BTBD8: variants seen among roughly 807,000 people sequenced by gnomAD.
BTBD8 encodes BTB domain containing 8.
A neutral mutation model predicts 162.9 loss-of-function variants in BTBD8; 110 were observed. The ratio of observed to expected loss-of-function variants is 0.68; its 90% CI spans 0.58 to 0.79. BTBD8 has a LOEUF of 0.79. BTBD8 is among the 30% of genes least tolerant of loss of function. The pLI is 0.00. For missense variants in BTBD8, 1,905 were observed against 2,085.4 expected, an observed-to-expected ratio of 0.91 and a Z score of 1.68; for synonymous variants, 667 against 716.1, an observed-to-expected ratio of 0.93 and a Z score of 1.10.
At chr1:92,081,912 AC>A (rs1274788437) in intron 1 of BTBD8, among the ~76,000 whole-genome samples, 1 of 152,106 alleles carries the variant, frequency 6.6e-6, no homozygotes, top group Non-Finnish European at 1.5e-5. Context: ...TCAAAAACTC[AC>A]CCATACTTAA....
chr1:92,143,949 A>G (rs1411096716), intron 7 of BTBD8, among the ~76,000 whole-genome samples: 2 of 148,226 alleles, frequency 1.3e-5, no homozygotes, highest in South Asian at 2.1e-4. Context: ...TTGAATATAT[A>G]TAATTTTGAA....
rs554463225 is a variant in BTBD8, at chr1:92,171,442, T to G, written c.1617T>G (p.Pro539=). The G allele has an allele frequency of 2.0e-6, 3 of 1,531,120 alleles. No individual in the cohort carries two copies. In the African/African-American group the frequency reaches 4.1e-5, roughly 21 times the overall value. The allele number at this position is 1,531,120 out of a possible 1,614,324, so 94.8% of individuals were successfully genotyped here. Residue 539 remains proline (P), a synonymous_variant, in exon 13 of 18, where the codon CCT becomes CCG. Coordinates refer to ENST00000636805, the MANE Select transcript of BTBD8 (RefSeq NM_001376131.1). ...ATGATCGAAGACTTGGCAAAAAGCCTATATTCAGTAGCTCGCAGGTAAACT... is the reference window on the plus strand; with the variant it reads ...ATGATCGAAGACTTGGCAAAAAGCCGATATTCAGTAGCTCGCAGGTAAACT... The part of the protein sequence containing the change: ...KGDDRRLGKK[P]IFSSSQQRKQ...
rs545083953 is a variant in BTBD8, at chr1:92,180,858, C to G, written c.3175C>G (p.His1059Asp). 4.5e-6 allele frequency: 7 copies of G among 1,551,446 alleles called. No individual in the cohort carries two copies. The highest frequency in any genetic ancestry group is 6.1e-6 in the Non-Finnish European group (7 of 1,146,932). ...TAAAAGTGAAACAAAATTTCCCAAT[C>G]ACAAAGAAACAGATGATTGCGATGC... ...LDKSETKFPN[H>D]KETDDCDAAN... Residue 1059 changes from histidine (H) to aspartate (D), a missense_variant, in exon 17 of 18, where the codon CAC (histidine) becomes GAC (aspartate). By Grantham distance (81) the His-to-Asp change is moderately conservative. Around this residue, in one of 3 missense-constraint regions of BTBD8, gnomAD observed 1,374 missense variants for 1,442.7 expected, o/e 0.95. Coordinates refer to ENST00000636805, the MANE Select transcript of BTBD8 (RefSeq NM_001376131.1).
At position 92,177,851 on chromosome 1, in the gene BTBD8, T is replaced by G. The variant is rs927609446; in HGVS notation, c.2394T>G (p.Thr798=). 6 of 1,544,498 alleles carry G rather than the reference T, an allele frequency of 3.9e-6. No homozygotes were observed. The Admixed American group carries it at 1.2e-4, about 30-fold the overall frequency. The part of the protein sequence containing the change: ...SRPVSRVTNG[T]SNKKSIHEQD... ...CTGTTTCAAGAGTTACCAATGGAAC[T>G]TCCAATAAAAAAAGTATTCATGAAC... The change falls in exon 15 of 18, where the codon ACT becomes ACG. Residue 798 remains threonine, a synonymous_variant. Transcript: ENST00000636805.
intron 4 of BTBD8, among the ~76,000 whole-genome samples, chr1:92,121,754 C>G (rs1649217320): frequency 6.6e-6 from 1 of 152,178 alleles, no homozygotes; most frequent in Admixed American, 6.5e-5. Flanking sequence ...CAGCCACAGG[C>G]AACAAATGAT....
chr1:92,132,207 C>G (rs1179269878), intron 5 of BTBD8, among the ~76,000 whole-genome samples: 1 of 152,046 alleles, frequency 6.6e-6, no homozygotes, highest in African/African-American at 2.4e-5. Context: ...GGATTGGGAT[C>G]TTAGGGGAAG....
rs1650731760 is a variant in BTBD8, at chr1:92,176,961, T to G, written c.1768T>G (p.Ser590Ala). Residue 590 changes from serine to alanine, a missense_variant, in exon 14 of 18, where the codon TCG becomes GCG. Ser to Ala is a moderately conservative substitution (Grantham distance 99, BLOSUM62 1). Coordinates refer to ENST00000636805, the MANE Select transcript of BTBD8 (RefSeq NM_001376131.1). ...TGATGGATTAGGAGCATCTGGACAT[T>G]CGTCAAGTACCAATAGAAATAGTAT... is the stretch of plus-strand genomic sequence containing the variant. The part of the protein sequence containing the change: ...KSDGLGASGH[S>A]SSTNRNSINK... 1.3e-6 allele frequency: 2 copies of G among 1,547,204 alleles called. No homozygotes were observed. The highest frequency in any genetic ancestry group is 1.7e-6 in the Non-Finnish European group (2 of 1,144,680).
intron 4 of BTBD8, among the ~76,000 whole-genome samples, chr1:92,127,703 AG>A (rs1249296462): frequency 6.6e-6 from 1 of 151,954 alleles, no homozygotes; most frequent in African/African-American, 2.4e-5. Flanking sequence ...CAGGGACTAC[AG>A]GCACAGCCAC....
At chr1:92,094,055 C>T (rs1053319620) in intron 2 of BTBD8, among the ~76,000 whole-genome samples, 1 of 152,190 alleles carries the variant, frequency 6.6e-6, no homozygotes, top group Admixed American at 6.5e-5. Context: ...ACAGATCTGC[C>T]TTCTTGCTGT....
At chr1:92,100,648 C>T (rs1326718279) in intron 2 of BTBD8, among the ~76,000 whole-genome samples, 1 of 152,020 alleles carries the variant, frequency 6.6e-6, no homozygotes, top group African/African-American at 2.4e-5. Context: ...CTCACACTGT[C>T]ACCCAGGCTG....
intron 5 of BTBD8, among the ~76,000 whole-genome samples, chr1:92,130,979 C>T (rs1378614065): frequency 6.6e-6 from 1 of 152,200 alleles, no homozygotes; most frequent in African/African-American, 2.4e-5. Context: ...GTTGGGATTA[C>T]AGGCGTGAGC....
chr1:92,130,437 C>T (rs1481688108), intron 5 of BTBD8, among the ~76,000 whole-genome samples: 5 of 150,914 alleles, frequency 3.3e-5, no homozygotes, highest in Admixed American at 3.3e-4. Flanking sequence ...AATCATGGCT[C>T]AGGAGTTTGA....
Position 92,161,731 on chromosome 1 carries a change from T to C in BTBD8, c.1123-5227T>C, listed in dbSNP as rs147520379. ...ACTGTGTTAGTAAGAGTATATGGGATAAATATTCTGATTTATTCCTGGGAA... is the reference window on the plus strand; with the variant it reads ...ACTGTGTTAGTAAGAGTATATGGGACAAATATTCTGATTTATTCCTGGGAA... On this transcript the variant is annotated intron_variant, in intron 9 of 17. Coordinates refer to ENST00000636805, the MANE Select transcript of BTBD8 (RefSeq NM_001376131.1). Among the ~76,000 whole-genome samples the C allele has an allele frequency of 4.9e-3, 749 of 152,352 alleles. 4 individuals are homozygous for C. The highest frequency in any genetic ancestry group is 0.018 in the South Asian group (86 of 4,826).
chr1:92,165,720 G>T (rs540914788), intron 9 of BTBD8, among the ~76,000 whole-genome samples: 1 of 152,206 alleles, frequency 6.6e-6, no homozygotes, highest in Non-Finnish European at 1.5e-5. Flanking sequence ...GGCTGAGCTG[G>T]GGGGCTGGTC....
rs1331277634 is a variant in BTBD8, at chr1:92,088,708, G to A, written c.160G>A (p.Glu54Lys). 1 of 1,593,348 alleles carries A rather than the reference G, an allele frequency of 6.3e-7. No individual in the cohort carries two copies. Among genetic ancestry groups the A allele is most frequent in the Non-Finnish European group, 8.5e-7 (1 of 1,170,454 alleles). The change falls in exon 2 of 18, where the codon GAA becomes AAA. Residue 54 changes from glutamate (E) to lysine (K), a missense_variant. Coordinates refer to ENST00000636805, the MANE Select transcript of BTBD8 (RefSeq NM_001376131.1). ...LSQDLLRLLR[E>K]EFHTDVTFSV... Reference sequence around the variant, plus strand: ...TTTTATTCCTTATAGGCTTCTAAGGGAAGAATTCCATACAGATGTTACCTT... The same window carrying A: ...TTTTATTCCTTATAGGCTTCTAAGGAAAGAATTCCATACAGATGTTACCTT...
intron 7 of BTBD8, among the ~76,000 whole-genome samples, chr1:92,145,121 G>A (rs773495841): frequency 2.4e-4 from 36 of 152,026 alleles, no homozygotes; most frequent in Non-Finnish European, 3.5e-4. Context: ...GTGCCACCAC[G>A]CCTGGCTAAT....
intron 3 of BTBD8, among the ~76,000 whole-genome samples, chr1:92,105,575 A>G (rs1436524850): frequency 1.3e-5 from 2 of 152,224 alleles, no homozygotes; most frequent in African/African-American, 4.8e-5. Context: ...AAATATCTCA[A>G]ATGTAACCTG....
intron 7 of BTBD8, among the ~76,000 whole-genome samples, chr1:92,144,150 T>C (rs1004933154): frequency 6.6e-6 from 1 of 151,236 alleles, no homozygotes; most frequent in Non-Finnish European, 1.5e-5. Flanking sequence ...ATTTTTGTAT[T>C]TTTAGTAGAG....
chr1:92,161,345 C>A (rs1557460430), intron 9 of BTBD8, among the ~76,000 whole-genome samples: 2 of 152,152 alleles, frequency 1.3e-5, no homozygotes, highest in African/African-American at 4.8e-5. Context: ...TCAAATATTT[C>A]TTTGTCATCA....
Sources: gnomAD v4.1 joint callset for allele counts (sites outside exome capture counted in the v4.1 genomes callset) on GRCh38, gnomAD v4.1.1 for gene constraint, gnomAD v4.1.1 regional missense constraint, MANE v1.5 for transcripts, NCBI Gene and HGNC (gene_info 2026-07-23, HGNC 2026-07-21) for gene names.